Variants in CSMD2 observed in about 807,000 individuals in gnomAD.
CSMD2 encodes the protein CUB and Sushi multiple domains 2.
CSMD2 carries 130 observed loss-of-function variants against 398.5 expected under a neutral mutation model. The observed-to-expected ratio is 0.33, with a 90% CI of 0.28 to 0.38. The LOEUF is 0.38. Ranked by LOEUF, CSMD2 falls within the 10% of genes least tolerant of loss-of-function variation. The probability of loss-of-function intolerance (pLI) is 1.00; values close to 1 mark genes in which losing one functional copy is unlikely to be tolerated. For synonymous variants in CSMD2, 1,828 were observed against 1,908.5 expected (o/e 0.96, Z 1.10); for missense variants, 3,829 against 4,764.9 (o/e 0.80, Z 5.78).
At chr1:33,580,084 C>T (rs537222345) in intron 48 of CSMD2, among the ~76,000 whole-genome samples, 7 of 151,758 alleles carry the variant, frequency 4.6e-5, no homozygotes, top group African/African-American at 9.7e-5. Context: ...GATGGAACCC[C>T]CCATGGTCTT....
At chr1:33,735,324 T>C (rs1388012691) in intron 15 of CSMD2, among the ~76,000 whole-genome samples, 1 of 152,158 alleles carries the variant, frequency 6.6e-6, no homozygotes, top group East Asian at 1.9e-4. Flanking sequence ...TGAAATGAGG[T>C]GACACTGTAA....
chr1:33,866,212 T>C (rs1195632920), intron 5 of CSMD2, among the ~76,000 whole-genome samples: 1 of 152,168 alleles, frequency 6.6e-6, no homozygotes, highest in African/African-American at 2.4e-5. Context: ...AAACAGGTCA[T>C]TTGTGGAGGA....
chr1:33,952,311 G>T (rs183043759), intron 3 of CSMD2, among the ~76,000 whole-genome samples: 21 of 152,296 alleles, frequency 1.4e-4, no homozygotes, highest in African/African-American at 4.8e-4. Flanking sequence ...GAGCAAAGAG[G>T]TAGAGGTCTG....
rs751239164 is a variant in CSMD2 at position 33,852,557 on chromosome 1, A to G, written c.921-5561T>C. On this transcript the variant is annotated intron_variant, in intron 5 of 70. Transcript: ENST00000373381. The stretch of plus-strand genomic sequence containing the variant: ...TGGGAAAATATCACTGATCCTATAA[A>G]CCTAACTAAATATTTCCTTTCCTCT... 5.9e-5 allele frequency among the ~76,000 whole-genome samples: 9 copies of G among 152,178 alleles called. No homozygotes were observed. The Middle Eastern group carries it at 0.014, about 230-fold the overall frequency.
At chr1:33,893,461 T>G (rs1050880046) in intron 5 of CSMD2, among the ~76,000 whole-genome samples, 2 of 152,164 alleles carry the variant, frequency 1.3e-5, no homozygotes, top group Non-Finnish European at 2.9e-5. Context: ...TTCACCTACA[T>G]AGAGAAGAAT....
At chr1:33,992,576 T>G (rs1010421330) in intron 3 of CSMD2, among the ~76,000 whole-genome samples, 1 of 151,372 alleles carries the variant, frequency 6.6e-6, no homozygotes, top group Non-Finnish European at 1.5e-5. Flanking sequence ...CAATAAAATG[T>G]TAGATAACTC....
At chr1:33,564,244 A>C (rs895890679) in intron 53 of CSMD2, among the ~76,000 whole-genome samples, 19 of 152,326 alleles carry the variant, frequency 1.2e-4, no homozygotes, top group African/African-American at 4.6e-4. Context: ...AGACCTAATG[A>C]GGTAAATCGA....
At chr1:34,045,356 AG>A (rs1652401011) in intron 2 of CSMD2, among the ~76,000 whole-genome samples, 1 of 152,168 alleles carries the variant, frequency 6.6e-6, no homozygotes. Context: ...CCAGAATGAG[AG>A]GAAGTCTAAA....
chr1:33,743,618 G>C lies in CSMD2; in HGVS notation c.1847-12C>G. On this transcript the variant is annotated splice_polypyrimidine_tract_variant and intron_variant, in intron 13 of 70. Coordinates refer to ENST00000373381, the MANE Select transcript of CSMD2 (RefSeq NM_001281956.2). ...GAAGAAGCAGGAGACTGCAAGAGAAGAGCAGTGGAGGTCAGTAAGCATCCC... is the reference window on the plus strand; with the variant it reads ...GAAGAAGCAGGAGACTGCAAGAGAACAGCAGTGGAGGTCAGTAAGCATCCC... 1 of 1,569,504 alleles carries C rather than the reference G, an allele frequency of 6.4e-7. No individual in the cohort carries two copies. Among genetic ancestry groups the C allele is most frequent in the Non-Finnish European group, 8.7e-7 (1 of 1,152,960 alleles).
chr1:33,527,980 T>C (rs1008314098), intron 64 of CSMD2, among the ~76,000 whole-genome samples: 6 of 151,972 alleles, frequency 3.9e-5, no homozygotes, highest in African/African-American at 1.2e-4. Context: ...CCCTCGACTT[T>C]GCTTTTCTTC....
chr1:33,729,207 T>C (rs1189275069), intron 15 of CSMD2, among the ~76,000 whole-genome samples: 1 of 152,196 alleles, frequency 6.6e-6, no homozygotes. Flanking sequence ...CTCCACTCAG[T>C]GCATACATAT....
At chr1:33,864,522 C>T (rs765235682) in intron 5 of CSMD2, 1 of 1,614,138 alleles carries the variant, frequency 6.2e-7, no homozygotes, top group South Asian at 1.1e-5. Flanking sequence ...CTATGCTCAG[C>T]TGAAGAGGGA....
intron 36 of CSMD2, among the ~76,000 whole-genome samples, chr1:33,622,935 G>A (rs1641866997): frequency 6.6e-6 from 1 of 152,214 alleles, no homozygotes; most frequent in African/African-American, 2.4e-5. Flanking sequence ...ACTGATGAAT[G>A]GACACACAAA....
intron 19 of CSMD2, among the ~76,000 whole-genome samples, chr1:33,719,962 T>C (rs1001056643): frequency 6.6e-6 from 1 of 152,178 alleles, no homozygotes; most frequent in Non-Finnish European, 1.5e-5. Context: ...CAAGGGCACA[T>C]TCTCAGGACT....
chr1:33,870,010 C>G (rs760143689), intron 5 of CSMD2, among the ~76,000 whole-genome samples: 21 of 152,170 alleles, frequency 1.4e-4, no homozygotes, highest in Non-Finnish European at 2.9e-4. Flanking sequence ...CAACTGGCAT[C>G]CGGGCCACAC....
Position 33,918,144 on chromosome 1 carries a change from C to A in CSMD2, c.870G>T (p.Glu290Asp). The A allele has an allele frequency of 6.2e-7, 1 of 1,614,116 alleles. No individual in the cohort carries two copies. The highest frequency in any genetic ancestry group is 8.5e-7 in the Non-Finnish European group (1 of 1,180,022). The change falls in exon 5 of 71, where the codon GAG (glutamate) becomes GAT (aspartate). Residue 290 changes from glutamate (E) to aspartate (D), a missense_variant. Around this residue, in one of 5 missense-constraint regions of CSMD2, gnomAD observed 2,001 missense variants for 2,567.1 expected, o/e 0.78. Coordinates refer to ENST00000373381, the MANE Select transcript of CSMD2 (RefSeq NM_001281956.2). ...TGACTTCCAGAAAGTCGTAACCATCCTCCAGCTGGAAGTCAATAAACACCA... is the reference window on the plus strand; with the variant it reads ...TGACTTCCAGAAAGTCGTAACCATCATCCAGCTGGAAGTCAATAAACACCA... Reference protein sequence around the residue: ...IALVFIDFQLEDGYDFLEVTG... With the variant: ...IALVFIDFQLDDGYDFLEVTG...
At chr1:33,710,955 T>C (rs7526059) in intron 21 of CSMD2, among the ~76,000 whole-genome samples, 3,715 of 152,316 alleles carry the variant, frequency 0.024, 120 homozygotes, top group African/African-American at 0.076. Context: ...AGACTTTATA[T>C]ATGGCCTCAT....
Position 33,542,895 on chromosome 1 carries a change from C to T in CSMD2, c.9102G>A (p.Val3034=). ...SWSGSQPECG[V]ISCGNPGTPS... ...GAGTCCCAGGGTTCCCACAAGAGAT[C>T]ACTAGGAAGACAAAAATACACATTA... The change falls in exon 58 of 71, where the codon GTG becomes GTA. Residue 3034 remains valine (V), a splice_region_variant and synonymous_variant. Transcript: ENST00000373381. 2 of 1,613,760 alleles carry T rather than the reference C, an allele frequency of 1.2e-6. No homozygotes were observed. The highest frequency in any genetic ancestry group is 1.7e-6 in the Non-Finnish European group (2 of 1,179,814).
At chr1:34,147,823 G>A (rs1296693239) in intron 1 of CSMD2, among the ~76,000 whole-genome samples, 1 of 152,192 alleles carries the variant, frequency 6.6e-6, no homozygotes, top group Non-Finnish European at 1.5e-5. Context: ...GCGCTTCCCT[G>A]CACAAATTCA....
Sources: allele counts gnomAD v4.1 joint callset (sites outside exome capture counted in the v4.1 genomes callset), GRCh38; gene constraint gnomAD v4.1.1; regional missense constraint gnomAD v4.1.1; transcripts MANE v1.5; gene names NCBI Gene and HGNC (gene_info 2026-07-23, HGNC 2026-07-21).